LARP1: variants seen among roughly 807,000 people sequenced by gnomAD.
The protein encoded by LARP1 is La ribonucleoprotein 1, translational regulator.
A neutral mutation model predicts 122.7 loss-of-function variants in LARP1; 36 were observed. The observed-to-expected ratio is 0.29, with a 90% CI of 0.22 to 0.39. The LOEUF (loss-of-function observed/expected upper bound fraction) is 0.39, where lower values mean the gene tolerates loss of function less well. Ranked by LOEUF, LARP1 falls within the 10% of genes least tolerant of loss-of-function variation. The pLI is 1.00. For synonymous variants in LARP1, 539 were observed against 528.7 expected, an observed-to-expected ratio of 1.02 and a Z score of -0.27; for missense variants, 1,040 against 1,403.6, an observed-to-expected ratio of 0.74 and a Z score of 4.14.
Position 154,803,693 on chromosome 5 carries a change from A to G in LARP1, c.2387A>G (p.Gln796Arg). The change falls in exon 13 of 19, where the codon CAG becomes CGG. Residue 796 changes from glutamine to arginine, a missense_variant. Coordinates refer to ENST00000518297, the MANE Select transcript of LARP1 (RefSeq NM_033551.3). This position sits in a 1 kb window ranked among gnomAD's most constrained non-coding sequence, Gnocchi z 4.4. ...PRTPQLKDSSQTSRFYPVVKE... is the reference protein window; with the variant it reads ...PRTPQLKDSSRTSRFYPVVKE... ...ACACCACAGCTCAAAGACTCAAGCC[A>G]GACATCACGGTTTTACCCAGTGGTG... 4 of 1,614,240 alleles carry G rather than the reference A, an allele frequency of 2.5e-6. No homozygotes were observed. The highest frequency in any genetic ancestry group is 3.4e-6 in the Non-Finnish European group (4 of 1,180,036).
chr5:154,803,816 C>T lies in LARP1; in HGVS notation c.2439+71C>T. 1 of 1,456,624 alleles carries T rather than the reference C, an allele frequency of 6.9e-7. No homozygotes were observed. The allele number at this position is 1,456,624 out of a possible 1,614,324, so 90.2% of individuals were successfully genotyped here. On this transcript the variant is annotated intron_variant, in intron 13 of 18. Transcript: ENST00000518297. The surrounding 1 kb of genome is among the most constrained non-coding windows in gnomAD (Gnocchi z 4.4). ...TTGCATTCCAGTGCTTTGCTTCTCTCCCTTGCCTTGTCTGAGCTAAGGAAG... is the reference window on the plus strand; with the variant it reads ...TTGCATTCCAGTGCTTTGCTTCTCTTCCTTGCCTTGTCTGAGCTAAGGAAG...
chr5:154,782,443 C>T (rs1436098473), intron 1 of LARP1, among the ~76,000 whole-genome samples: 1 of 152,114 alleles, frequency 6.6e-6, no homozygotes, highest in Non-Finnish European at 1.5e-5. Context: ...GTGGCTGGGT[C>T]CACATCTGGG....
At chr5:154,753,224 A>G (rs1163849396), upstream of LARP1, among the ~76,000 whole-genome samples, 6 of 152,168 alleles carry the variant, frequency 3.9e-5, no homozygotes, top group Non-Finnish European at 8.8e-5. Context: ...TATGTCCCCT[A>G]TTAACAAAGT....
intron 1 of LARP1, among the ~76,000 whole-genome samples, chr5:154,788,789 T>A (rs572065847): frequency 2.4e-4 from 36 of 152,278 alleles, no homozygotes; most frequent in African/African-American, 7.9e-4. Context: ...AAAGCCCATG[T>A]CTGTCTTTGT....
chr5:154,721,514 G>C (rs1481913253), intron 1 of LARP1, among the ~76,000 whole-genome samples: 9 of 152,118 alleles, frequency 5.9e-5, no homozygotes, highest in African/African-American at 1.9e-4. Context: ...GCAGGTTTGG[G>C]GGTGTAGGGG....
intron 1 of LARP1, among the ~76,000 whole-genome samples, chr5:154,698,463 G>T (rs1754572556): frequency 1.3e-5 from 2 of 152,180 alleles, no homozygotes; most frequent in African/African-American, 4.8e-5. Context: ...CGGATGTGGT[G>T]GCAGGCGCCT....
intron 1 of LARP1, among the ~76,000 whole-genome samples, chr5:154,786,916 T>C (rs1380578134): frequency 6.6e-6 from 1 of 151,962 alleles, no homozygotes; most frequent in Non-Finnish European, 1.5e-5. Context: ...TTTGCTCTTG[T>C]TGCCCAGGCT....
chr5:154,810,591 G>A (rs1759185276), intron 16 of LARP1, among the ~76,000 whole-genome samples: 4 of 151,876 alleles, frequency 2.6e-5, no homozygotes, highest in South Asian at 4.2e-4. Flanking sequence ...AGGTTCAAGC[G>A]ATTCTTCTGC....
At chr5:154,786,895 T>TTG (rs981981949) in intron 1 of LARP1, among the ~76,000 whole-genome samples, 2 of 151,470 alleles carry the variant, frequency 1.3e-5, no homozygotes, top group Non-Finnish European at 2.9e-5. Flanking sequence ...TTTTTTTTTT[T>TTG]GGGATGGAAT....
At chr5:154,710,951 G>A (rs10039709), upstream of LARP1, among the ~76,000 whole-genome samples, 113,538 of 151,728 alleles carry the variant, frequency 0.75, 42,774 homozygotes, top group African/African-American at 0.85. Context: ...TACTAACAAT[G>A]TGAGACTGAA....
chr5:154,808,141 A>G (rs1758941414), intron 15 of LARP1, among the ~76,000 whole-genome samples: 1 of 152,200 alleles, frequency 6.6e-6, no homozygotes, highest in Non-Finnish European at 1.5e-5. Context: ...TTTACAAACA[A>G]TTTGTTCATG....
At chr5:154,736,519 C>T (rs1458675482) in intron 1 of LARP1, among the ~76,000 whole-genome samples, 1 of 151,214 alleles carries the variant, frequency 6.6e-6, no homozygotes. Flanking sequence ...GCTTGAGCCA[C>T]ACCCTGCCTG....
At chr5:154,698,637 C>G (rs1754582635) in intron 1 of LARP1, among the ~76,000 whole-genome samples, 1 of 152,074 alleles carries the variant, frequency 6.6e-6, no homozygotes, top group Non-Finnish European at 1.5e-5. Flanking sequence ...ATTGTAGTGA[C>G]AGTTGCACAA....
At chr5:154,807,961 C>CACTTT (rs1053393643) in intron 15 of LARP1, among the ~76,000 whole-genome samples, 4 of 152,178 alleles carry the variant, frequency 2.6e-5, no homozygotes, top group Non-Finnish European at 5.9e-5. Context: ...GTTATCTTTT[C>CACTTT]ACTTTTTTGA....
At chr5:154,697,548 G>A (rs777642921) in intron 1 of LARP1, among the ~76,000 whole-genome samples, 7 of 152,134 alleles carry the variant, frequency 4.6e-5, no homozygotes, top group Non-Finnish European at 1.0e-4. Flanking sequence ...ACAAAATGTG[G>A]TAGATTCATA....
chr5:154,803,250 T>C lies in LARP1; in HGVS notation c.2110-40T>C. ...CCTTAAACAGGCTAGAGCAGCCTGC[T>C]TACTTACATCTTTCCCCACTCATCT... On this transcript the variant is annotated intron_variant, in intron 11 of 18. Transcript: ENST00000518297. This position sits in a 1 kb window ranked among gnomAD's most constrained non-coding sequence, Gnocchi z 4.4. 1.2e-6 allele frequency: 2 copies of C among 1,613,896 alleles called. No homozygotes were observed. The highest frequency in any genetic ancestry group is 8.5e-7 in the Non-Finnish European group (1 of 1,179,810).
At chr5:154,752,654 C>G (rs147675438), upstream of LARP1, among the ~76,000 whole-genome samples, 378 of 152,100 alleles carry the variant, frequency 2.5e-3, 3 homozygotes, top group African/African-American at 8.5e-3. Flanking sequence ...AAGATGTTGT[C>G]TCGGCCGGGC....
chr5:154,686,241 C>T (rs1207953915), intron 1 of LARP1, among the ~76,000 whole-genome samples: 2 of 152,168 alleles, frequency 1.3e-5, no homozygotes, highest in Non-Finnish European at 2.9e-5. Flanking sequence ...GAGACAGGCA[C>T]AGAGCTAAAT....
At chr5:154,701,011 G>A (rs753725686) in intron 1 of LARP1, among the ~76,000 whole-genome samples, 2 of 152,096 alleles carry the variant, frequency 1.3e-5, no homozygotes, top group Non-Finnish European at 2.9e-5. Context: ...ATCTCGCTAT[G>A]TTGTCTAGAT....
Sources: gnomAD v4.1 joint callset for allele counts (sites outside exome capture counted in the v4.1 genomes callset) on GRCh38, gnomAD v4.1.1 for gene constraint, Gnocchi (gnomAD v3.1) non-coding constraint, MANE v1.5 for transcripts, NCBI Gene and HGNC (gene_info 2026-07-23, HGNC 2026-07-21) for gene names.